The following ASPH variants were observed in gnomAD, a reference collection of about 807,000 sequenced individuals.
ASPH encodes the protein aspartate beta-hydroxylase.
In ASPH, 100 loss-of-function variants were observed where a neutral mutation model predicts 118.4. The observed-to-expected ratio is 0.84, with a 90% CI of 0.72 to 1.00. The LOEUF is 1.00. Among genes scored for constraint, ASPH ranks in the 50% least tolerant of loss-of-function variants. ASPH has a pLI of 0.00. For missense variants in ASPH, 920 were observed against 919.5 expected (o/e 1.00, Z -0.01); for synonymous variants, 315 against 325.6 (o/e 0.97, Z 0.35).
rs148276923 is a variant in ASPH, at chr8:61,563,364, C to T, written c.1301-484G>A. Among the ~76,000 whole-genome samples, 242 of 152,232 alleles carry T rather than the reference C, an allele frequency of 1.6e-3. 1 individual carries two copies. The highest frequency in any genetic ancestry group is 1.2e-3 in the Non-Finnish European group (84 of 68,026). On this transcript the variant is annotated intron_variant, in intron 17 of 24. Transcript: ENST00000379454. ...CTGCTGACACATCCCCTATGAATGA[C>T]AAGTGTACTCATCTCTAGGTAATGA... is the stretch of plus-strand genomic sequence containing the variant.
rs529044540 is a variant in ASPH at position 61,638,496 on chromosome 8, G to A, written c.791-133C>T. The A allele has an allele frequency of 2.8e-4, 214 of 751,312 alleles. No individual in the cohort carries two copies. The African/African-American group carries it at 3.4e-3, about 12-fold the overall frequency. 46.5% of individuals were successfully genotyped at this position (751,312 alleles called of 1,614,324 possible). A position where few individuals can be genotyped will look rare whatever the true frequency, so the allele number is the denominator to read the frequency against. On this transcript the variant is annotated intron_variant, in intron 10 of 24. Transcript: ENST00000379454. ...AAGGTTCAGTCACTGGGAAACAGCC[G>A]ACTAGAGAGTAGGGTGGAGAAGAGT...
At chr8:61,713,868 A>ATT (rs1838686596) in intron 1 of ASPH, among the ~76,000 whole-genome samples, 2 of 152,124 alleles carry the variant, frequency 1.3e-5, no homozygotes, top group Non-Finnish European at 2.9e-5. Flanking sequence ...GTTAGGCAGG[A>ATT]ACTCACTTTC....
intron 17 of ASPH, 117 bp downstream of exon 17, chr8:61,567,051 G>T: frequency 7.9e-7 from 1 of 1,267,146 alleles, no homozygotes; most frequent in Non-Finnish European, 1.1e-6. Flanking sequence ...CTTGAAATCA[G>T]TTGTAAAACT....
intron 1 of ASPH, chr8:61,689,997 C>A (rs1832158083): frequency 4.4e-6 from 2 of 453,410 alleles, no homozygotes; most frequent in Non-Finnish European, 6.2e-6. Context: ...TAGCTAACTC[C>A]AACCCCTAAA....
chr8:61,651,006 G>GT, intron 5 of ASPH, 44 bp downstream of exon 5: 1 of 1,529,876 alleles, frequency 6.5e-7, no homozygotes, highest in Non-Finnish European at 8.9e-7. Flanking sequence ...ATAACTAAGC[G>GT]TTATTTTAGT....
intron 1 of ASPH, among the ~76,000 whole-genome samples, chr8:61,706,967 A>G (rs1306073649): frequency 3.3e-5 from 5 of 152,202 alleles, no homozygotes; most frequent in Non-Finnish European, 7.3e-5. Flanking sequence ...ATACAATAAA[A>G]TGCTACACCA....
chr8:61,522,100 G>C (rs1167884673), intron 22 of ASPH, among the ~76,000 whole-genome samples: 5 of 152,202 alleles, frequency 3.3e-5, no homozygotes, highest in Non-Finnish European at 7.3e-5. Context: ...TAAGATAAGA[G>C]CAAAATAGAC....
chr8:61,669,179 C>T (rs890848553), intron 3 of ASPH, among the ~76,000 whole-genome samples: 2 of 152,162 alleles, frequency 1.3e-5, no homozygotes, highest in African/African-American at 4.8e-5. Context: ...GACATTTTTG[C>T]AGCTGTAAAT....
intron 3 of ASPH, chr8:61,676,266 T>A (rs1563534464): frequency 6.3e-7 from 1 of 1,591,018 alleles, no homozygotes. Flanking sequence ...GCTAAAATAT[T>A]AAGGACTTCC....
At chr8:61,614,986 C>T (rs1848571673) in intron 14 of ASPH, among the ~76,000 whole-genome samples, 1 of 152,190 alleles carries the variant, frequency 6.6e-6, no homozygotes, top group Admixed American at 6.5e-5. Flanking sequence ...GTCTTGCACC[C>T]CTATGGCCAG....
At chr8:61,531,755 T>C (rs1363264633) in intron 21 of ASPH, among the ~76,000 whole-genome samples, 2 of 152,170 alleles carry the variant, frequency 1.3e-5, no homozygotes, top group African/African-American at 4.8e-5. Flanking sequence ...TGAGTTTGAC[T>C]TTTTTAGATG....
chr8:61,572,871 G>A (rs1274187272), intron 16 of ASPH, among the ~76,000 whole-genome samples: 1 of 152,146 alleles, frequency 6.6e-6, no homozygotes, highest in Non-Finnish European at 1.5e-5. Flanking sequence ...GGGTAATCAG[G>A]CAAGAGAAAG....
chr8:61,525,944 C>A (rs371017481), intron 22 of ASPH, 33 bp downstream of exon 22: 9 of 1,612,252 alleles, frequency 5.6e-6, no homozygotes, highest in African/African-American at 1.3e-5. Flanking sequence ...CAGGTTTGGG[C>A]TGCAGAGAAC....
At chr8:61,607,226 C>T (rs1588011555) in intron 14 of ASPH, 1 of 697,152 alleles carries the variant, frequency 1.4e-6, no homozygotes, top group South Asian at 1.5e-5. Flanking sequence ...TCAGTTCCCC[C>T]TTCCATTCTT....
intron 4 of ASPH, among the ~76,000 whole-genome samples, chr8:61,652,749 A>G (rs1811681241): frequency 6.6e-6 from 1 of 152,190 alleles, no homozygotes; most frequent in South Asian, 2.1e-4. Flanking sequence ...GAGCTATGGT[A>G]TGATCATAGC....
chr8:61,527,211 AGATT>A lies in ASPH; in HGVS notation c.1765-1103_1765-1100del, dbSNP rs926017799. 5.3e-5 allele frequency among the ~76,000 whole-genome samples: 8 copies of A among 152,340 alleles called. No homozygotes were observed. In the East Asian group the frequency reaches 1.3e-3, roughly 26 times the overall value. ...ATGGAAAACCAGTAGAATATTCTAA[AGATT>A]GATTGAGTTTCTTTGTAAATCATGG... On this transcript the variant is annotated intron_variant, in intron 21 of 24. Transcript: ENST00000379454.
rs181709075 is a variant in ASPH, at chr8:61,583,304, A to G, written c.1062+640T>C. 30 of 152,168 alleles carry G rather than the reference A, an allele frequency of 2.0e-4. 1 individual carries two copies. The highest frequency in any genetic ancestry group is 1.7e-3 in the Admixed American group (26 of 15,282). The allele number at this position is 152,168 out of a possible 1,614,324, so 9.4% of individuals were successfully genotyped here. ...AATCTCACTTATGGCTCACGCCTGT[A>G]ATCCCAGCACTTTCGGAGGCTGAGA... On this transcript the variant is annotated intron_variant, in intron 15 of 24. Transcript: ENST00000379454.
Position 61,668,260 on chromosome 8 carries a change from A to T in ASPH, c.322+12708T>A, listed in dbSNP as rs527506012. 3,660 of 1,608,104 alleles carry T rather than the reference A, an allele frequency of 2.3e-3. 21 individuals are homozygous for T. Among genetic ancestry groups the T allele is most frequent in the Non-Finnish European group, 2.2e-3 (2,589 of 1,176,002 alleles). On this transcript the variant is annotated intron_variant, in intron 3 of 24. Coordinates refer to ENST00000379454, the MANE Select transcript of ASPH (RefSeq NM_004318.4). ...TTTAGCCTTAGTTTTTCTCTTGGCT[A>T]CCCCACTGGGTCCTTCTGTTGACAT... is the stretch of plus-strand genomic sequence containing the variant.
At chr8:61,665,047 G>T in intron 3 of ASPH, 1 of 1,301,210 alleles carries the variant, frequency 7.7e-7, no homozygotes, top group African/African-American at 1.5e-5. Flanking sequence ...CATATTCTAT[G>T]ACATTTTTAA....
Sources: allele counts gnomAD v4.1 joint callset (sites outside exome capture counted in the v4.1 genomes callset), GRCh38; gene constraint gnomAD v4.1.1; transcripts MANE v1.5; gene names NCBI Gene and HGNC (gene_info 2026-07-23, HGNC 2026-07-21).